DAB1: variants seen among roughly 807,000 people sequenced by gnomAD.
DAB1 encodes the protein disabled homolog 1.
In DAB1, 15 loss-of-function variants were observed where a neutral mutation model predicts 64.6. The ratio of observed to expected loss-of-function variants is 0.23; its 90% CI spans 0.16 to 0.36. DAB1 has a LOEUF of 0.36. Among genes scored for constraint, DAB1 ranks in the 10% least tolerant of loss-of-function variants. DAB1 has a pLI of 1.00. For synonymous variants in DAB1, 235 were observed against 251.9 expected (o/e 0.93, Z 0.64); for missense variants, 596 against 706.7 (o/e 0.84, Z 1.78).
chr1:57,163,163 T>C (rs539541934), intron 2 of DAB1, among the ~76,000 whole-genome samples: 2 of 152,278 alleles, frequency 1.3e-5, no homozygotes, highest in Admixed American at 1.3e-4. Flanking sequence ...GCTGCTGATC[T>C]GAGAGGGGGA....
At chr1:58,310,765 A>G (rs1461509787) in intron 4 of DAB1, among the ~76,000 whole-genome samples, 3 of 152,144 alleles carry the variant, frequency 2.0e-5, no homozygotes, top group African/African-American at 4.8e-5. Flanking sequence ...CAACAAGTTC[A>G]GTTTAGTAAG....
intron 3 of DAB1, among the ~76,000 whole-genome samples, chr1:58,394,205 A>T (rs1474671488): frequency 6.6e-6 from 1 of 152,196 alleles, no homozygotes; most frequent in Non-Finnish European, 1.5e-5. Context: ...AAATAAAAAG[A>T]CTGATAATTC....
chr1:57,145,201 T>C (rs1158359971), intron 3 of DAB1, 89 bp downstream of exon 3: 2 of 1,315,372 alleles, frequency 1.5e-6, no homozygotes, highest in Non-Finnish European at 2.1e-6. Context: ...AATAAATGAA[T>C]AAAGTTATTT....
At chr1:57,738,274 T>C (rs771348180) in intron 6 of DAB1, among the ~76,000 whole-genome samples, 3 of 152,208 alleles carry the variant, frequency 2.0e-5, no homozygotes, top group Non-Finnish European at 4.4e-5. Flanking sequence ...CTAGTAATAA[T>C]TGAAAACTGT....
chr1:57,584,886 C>A (rs113738278), intron 7 of DAB1, among the ~76,000 whole-genome samples: 1,836 of 150,836 alleles, frequency 0.012, 16 homozygotes, highest in Non-Finnish European at 0.018. Flanking sequence ...AAGAATCCTG[C>A]CATCACATTT....
intron 7 of DAB1, among the ~76,000 whole-genome samples, chr1:57,515,370 C>T (rs146712262): frequency 1.3e-5 from 2 of 152,334 alleles, no homozygotes; most frequent in African/African-American, 4.8e-5. Context: ...TTATTACCAT[C>T]ATGGCTGTCC....
intron 5 of DAB1, among the ~76,000 whole-genome samples, chr1:57,953,272 G>C (rs907091660): frequency 6.6e-6 from 1 of 152,154 alleles, no homozygotes; most frequent in Non-Finnish European, 1.5e-5. Flanking sequence ...GAATGTATAC[G>C]GGGTGTTGGA....
chr1:58,187,121 G>A (rs368302592), intron 4 of DAB1, among the ~76,000 whole-genome samples: 20 of 152,124 alleles, frequency 1.3e-4, no homozygotes, highest in East Asian at 7.7e-4. Context: ...GCTGTCCTGC[G>A]TCCCAAACAT....
chr1:57,532,361 C>A (rs1169182677), intron 7 of DAB1, among the ~76,000 whole-genome samples: 1 of 152,104 alleles, frequency 6.6e-6, no homozygotes, highest in Non-Finnish European at 1.5e-5. Flanking sequence ...CAGATTCTGA[C>A]TCCAGTAAGT....
rs1645646875 is a variant in DAB1, at chr1:56,996,937, T to G, written c.*1207A>C. The G allele has an allele frequency of 6.6e-6, 1 of 152,178 alleles. No individual in the cohort carries two copies. Among genetic ancestry groups the G allele is most frequent in the African/African-American group, 2.4e-5 (1 of 41,420 alleles). The allele number at this position is 152,178 out of a possible 1,614,324, so 9.4% of individuals were successfully genotyped here. On this transcript the variant is annotated 3_prime_UTR_variant, in exon 15 of 15. Coordinates refer to ENST00000371236, the MANE Select transcript of DAB1 (RefSeq NM_001365792.1). Reference sequence around the variant, plus strand: ...CCTTAAAGCCATTTCCCTTAAATATTTAAAGAGTTTAATGGTAAGGTTTTT... The same window carrying G: ...CCTTAAAGCCATTTCCCTTAAATATGTAAAGAGTTTAATGGTAAGGTTTTT...
intron 3 of DAB1, among the ~76,000 whole-genome samples, chr1:58,453,971 CA>C (rs1645165204): frequency 6.6e-6 from 1 of 152,080 alleles, no homozygotes; most frequent in Non-Finnish European, 1.5e-5. Context: ...GCTTGCACAT[CA>C]GCTTGTACAA....
At chr1:58,309,588 C>T (rs914502142) in intron 4 of DAB1, among the ~76,000 whole-genome samples, 3 of 152,176 alleles carry the variant, frequency 2.0e-5, no homozygotes, top group Admixed American at 6.5e-5. Flanking sequence ...ATATTCAAAT[C>T]CAGGTCTGCC....
At chr1:58,222,609 G>A (rs974174414) in intron 4 of DAB1, among the ~76,000 whole-genome samples, 6 of 152,160 alleles carry the variant, frequency 3.9e-5, no homozygotes, top group African/African-American at 1.4e-4. Context: ...TGATGGAGAA[G>A]AAGCTCAATG....
chr1:57,839,624 T>C (rs1200414423), intron 1 of DAB1, among the ~76,000 whole-genome samples: 3 of 152,220 alleles, frequency 2.0e-5, no homozygotes, highest in Admixed American at 2.0e-4. Context: ...ACCTCTTCAG[T>C]CAGGCATAAA....
chr1:58,398,335 C>T (rs1290908988), intron 3 of DAB1, among the ~76,000 whole-genome samples: 1 of 152,246 alleles, frequency 6.6e-6, no homozygotes, highest in African/African-American at 2.4e-5. Flanking sequence ...ATCCCACCAA[C>T]CTACCTTGCT....
intron 3 of DAB1, among the ~76,000 whole-genome samples, chr1:58,502,719 T>C (rs1431465835): frequency 6.6e-6 from 1 of 152,214 alleles, no homozygotes; most frequent in East Asian, 1.9e-4. Flanking sequence ...TAATAGGGAA[T>C]TCCAATCTTT....
intron 3 of DAB1, among the ~76,000 whole-genome samples, chr1:58,352,798 T>C (rs991284946): frequency 3.3e-5 from 5 of 152,114 alleles, no homozygotes; most frequent in Non-Finnish European, 7.4e-5. Context: ...TGAAGCCTGA[T>C]GAATGGGATC....
intron 5 of DAB1, among the ~76,000 whole-genome samples, chr1:57,980,318 C>A (rs937280011): frequency 6.6e-6 from 1 of 152,094 alleles, no homozygotes; most frequent in Admixed American, 6.6e-5. Flanking sequence ...ATTACCTTCT[C>A]ATCAATTGAA....
chr1:57,256,160 C>A (rs967197242), intron 2 of DAB1, among the ~76,000 whole-genome samples: 1 of 152,164 alleles, frequency 6.6e-6, no homozygotes, highest in African/African-American at 2.4e-5. Flanking sequence ...CGGCTAATCT[C>A]AAAAGGCTTA....
Sources: allele counts gnomAD v4.1 joint callset (sites outside exome capture counted in the v4.1 genomes callset), GRCh38; gene constraint gnomAD v4.1.1; transcripts MANE v1.5; gene names NCBI Gene and HGNC (gene_info 2026-07-23, HGNC 2026-07-21).